Variants in EXTL3 observed in about 807,000 individuals in gnomAD.
The protein encoded by EXTL3 is exostosin like glycosyltransferase 3.
In EXTL3, 27 loss-of-function variants were observed where a neutral mutation model predicts 69.3. The ratio of observed to expected loss-of-function variants is 0.39; its 90% CI spans 0.29 to 0.54. The LOEUF is 0.54. Among genes scored for constraint, EXTL3 ranks in the 20% least tolerant of loss-of-function variants. EXTL3 has a pLI of 0.69. For synonymous variants in EXTL3, 511 were observed against 499.4 expected (o/e 1.02, Z -0.31); for missense variants, 1,003 against 1,231.8 (o/e 0.81, Z 2.78).
At chr8:28,624,723 C>T (rs1806466082) in intron 1 of EXTL3, among the ~76,000 whole-genome samples, 3 of 152,086 alleles carry the variant, frequency 2.0e-5, no homozygotes, top group Non-Finnish European at 4.4e-5. Flanking sequence ...TTAATAGTCA[C>T]CGACACCATA....
intron 1 of EXTL3, among the ~76,000 whole-genome samples, chr8:28,669,676 A>G (rs1342833439): frequency 6.6e-6 from 1 of 152,198 alleles, no homozygotes; most frequent in Non-Finnish European, 1.5e-5. Flanking sequence ...TGGGGACTGT[A>G]CATGTTGTTT....
chr8:28,678,582 G>T lies in EXTL3; in HGVS notation c.-52-34875G>T, dbSNP rs557162227. ...TCAACTTCCCCCATGAGTGAAAGCA[G>T]CCTGAGACCCTCACCAGATGCAGAT... On this transcript the variant is annotated intron_variant, in intron 1 of 6. Transcript: ENST00000523149. Among the ~76,000 whole-genome samples the T allele has an allele frequency of 1.1e-4, 17 of 152,264 alleles. No homozygotes were observed. The South Asian group carries it at 2.9e-3, about 26-fold the overall frequency.
At chr8:28,673,526 T>C (rs1807332644) in intron 1 of EXTL3, among the ~76,000 whole-genome samples, 1 of 152,300 alleles carries the variant, frequency 6.6e-6, no homozygotes, top group South Asian at 2.1e-4. Context: ...GTTCCCTGGT[T>C]CTCAGGACTT....
Position 28,750,937 on chromosome 8 carries a change from C to A in EXTL3, c.*71C>A. On this transcript the variant is annotated 3_prime_UTR_variant, in exon 7 of 7. Transcript: ENST00000220562. The surrounding 1 kb of genome is among the most constrained non-coding windows in gnomAD (Gnocchi z 5.2). ...TGGCTCCCAAGGTTCCTAGGCATTG[C>A]AGGACCTTGGGCACATCTGCTGGTG... The A allele has an allele frequency of 7.2e-7, 1 of 1,394,306 alleles. No individual in the cohort carries two copies. The highest frequency in any genetic ancestry group is 1.0e-6 in the Non-Finnish European group (1 of 990,500). The allele number at this position is 1,394,306 out of a possible 1,614,324, so 86.4% of individuals were successfully genotyped here.
At chr8:28,649,048 G>A (rs1327253810) in intron 1 of EXTL3, among the ~76,000 whole-genome samples, 1 of 151,800 alleles carries the variant, frequency 6.6e-6, no homozygotes, top group African/African-American at 2.4e-5. Context: ...GCCCGCCACC[G>A]CTCCCAGCTA....
At chr8:28,683,142 A>AT (rs1342363283) in intron 1 of EXTL3, among the ~76,000 whole-genome samples, 4 of 152,156 alleles carry the variant, frequency 2.6e-5, no homozygotes, top group Non-Finnish European at 1.5e-5. Flanking sequence ...TAGCAGTACC[A>AT]TGCTATTTTG....
chr8:28,691,385 G>A (rs1344236016), intron 1 of EXTL3, among the ~76,000 whole-genome samples: 1 of 152,176 alleles, frequency 6.6e-6, no homozygotes, highest in Non-Finnish European at 1.5e-5. Context: ...CACTGAGCTA[G>A]ACCATAGGAT....
chr8:28,708,394 C>T (rs1298379173), intron 1 of EXTL3, among the ~76,000 whole-genome samples: 1 of 139,338 alleles, frequency 7.2e-6, no homozygotes. Context: ...AGAGCTTACT[C>T]TTTATCTACA....
chr8:28,675,169 A>G (rs948392236), intron 1 of EXTL3, among the ~76,000 whole-genome samples: 3 of 152,192 alleles, frequency 2.0e-5, no homozygotes, highest in African/African-American at 7.2e-5. Context: ...AGAGGCACCA[A>G]ACAGTCCATC....
At chr8:28,669,361 A>C (rs1585241426) in intron 1 of EXTL3, among the ~76,000 whole-genome samples, 1 of 152,242 alleles carries the variant, frequency 6.6e-6, no homozygotes, top group Admixed American at 6.5e-5. Context: ...ATCAGTACTT[A>C]AAGTGGAGTG....
rs553165484 is a variant in EXTL3, at chr8:28,672,996, G to A, written c.-52-40461G>A. On this transcript the variant is annotated intron_variant, in intron 1 of 6. Transcript: ENST00000523149. ...CAAACTCTCATTTGCTCTTGCCTGT[G>A]GCCATGTAAGATGTGCCTTTAGCCT... is the stretch of plus-strand genomic sequence containing the variant. Among the ~76,000 whole-genome samples, 4 of 152,280 alleles carry A rather than the reference G, an allele frequency of 2.6e-5. No homozygotes were observed. The South Asian group carries it at 8.3e-4, about 32-fold the overall frequency.
intron 1 of EXTL3, among the ~76,000 whole-genome samples, chr8:28,694,912 T>C (rs922107924): frequency 6.6e-6 from 1 of 151,992 alleles, no homozygotes; most frequent in African/African-American, 2.4e-5. Flanking sequence ...CTCGGGAGGC[T>C]GAAGCAGGAG....
downstream of EXTL3, among the ~76,000 whole-genome samples, chr8:28,756,440 GTTAC>G (rs1282517658): frequency 3.3e-5 from 5 of 152,202 alleles, no homozygotes; most frequent in Admixed American, 6.5e-5. Flanking sequence ...TTGGTGATTA[GTTAC>G]TTTTTATTGC....
chr8:28,672,373 G>A (rs140926402), intron 1 of EXTL3, among the ~76,000 whole-genome samples: 20 of 132,970 alleles, frequency 1.5e-4, no homozygotes, highest in Non-Finnish European at 3.0e-4. Flanking sequence ...AGCCGAGATC[G>A]TGCCACTGCA....
chr8:28,694,004 C>T (rs1196290381), intron 1 of EXTL3, among the ~76,000 whole-genome samples: 1 of 152,152 alleles, frequency 6.6e-6, no homozygotes, highest in Admixed American at 6.5e-5. Context: ...TTGAAGATTG[C>T]TGGGGGTCAC....
chr8:28,707,987 A>G (rs1447670277), intron 1 of EXTL3, among the ~76,000 whole-genome samples: 1 of 152,218 alleles, frequency 6.6e-6, no homozygotes, highest in African/African-American at 2.4e-5. Context: ...GTTAATATCT[A>G]TATATTCAGC....
Position 28,754,562 on chromosome 8 carries a change from T to TA in EXTL3, c.*3697dup, listed in dbSNP as rs149478793. The stretch of plus-strand genomic sequence containing the variant: ...TTCTTCCAGCCATCCATCTCCATGT[T>TA]ACGATTGTCCTGGGACCAGAGAGAC... On this transcript the variant is annotated 3_prime_UTR_variant, in exon 7 of 7. Transcript: ENST00000220562. 2,677 of 152,416 alleles carry TA rather than the reference T, an allele frequency of 0.018. 30 individuals are homozygous for TA. Among genetic ancestry groups the TA allele is most frequent in the Non-Finnish European group, 0.023 (1,578 of 68,100 alleles). 9.4% of individuals were successfully genotyped at this position (152,416 alleles called of 1,614,324 possible).
intron 1 of EXTL3, among the ~76,000 whole-genome samples, chr8:28,659,399 C>T (rs1807067863): frequency 6.6e-6 from 1 of 152,174 alleles, no homozygotes; most frequent in Non-Finnish European, 1.5e-5. Flanking sequence ...CCTTCAGTAT[C>T]ATTTGGGAGA....
intron 1 of EXTL3, among the ~76,000 whole-genome samples, chr8:28,681,745 C>T (rs914608700): frequency 1.3e-4 from 20 of 151,980 alleles, no homozygotes; most frequent in African/African-American, 4.6e-4. Flanking sequence ...AATGATTGTG[C>T]CATGTCCCAT....
Sources: gnomAD v4.1 joint callset for allele counts (sites outside exome capture counted in the v4.1 genomes callset) on GRCh38, gnomAD v4.1.1 for gene constraint, Gnocchi (gnomAD v3.1) non-coding constraint, MANE v1.5 for transcripts, NCBI Gene and HGNC (gene_info 2026-07-23, HGNC 2026-07-21) for gene names.